The following NSD2 variants were observed in gnomAD, a reference collection of about 807,000 sequenced individuals.
NSD2 encodes the protein histone-lysine N-methyltransferase NSD2.
In NSD2, 12 loss-of-function variants were observed where a neutral mutation model predicts 139.0. The ratio of observed to expected loss-of-function variants is 0.09; its 90% CI spans 0.06 to 0.14. The LOEUF (loss-of-function observed/expected upper bound fraction) is 0.14, where lower values mean the gene tolerates loss of function less well. NSD2 is among the 10% of genes least tolerant of loss of function. The probability of loss-of-function intolerance (pLI) is 1.00; values close to 1 mark genes in which losing one functional copy is unlikely to be tolerated. For synonymous variants in NSD2, 669 were observed against 648.7 expected, an observed-to-expected ratio of 1.03 and a Z score of -0.48; for missense variants, 1,155 against 1,745.0, an observed-to-expected ratio of 0.66 and a Z score of 6.02.
Position 1,955,700 on chromosome 4 carries a change from C to A in NSD2, c.2526C>A (p.Ser842Arg). The A allele has an allele frequency of 6.2e-7, 1 of 1,612,832 alleles. No individual in the cohort carries two copies. The highest frequency in any genetic ancestry group is 8.5e-7 in the Non-Finnish European group (1 of 1,179,304). The change falls in exon 14 of 22, where the codon AGC (serine) becomes AGA (arginine). Residue 842 changes from serine (S) to arginine (R), a missense_variant. Physicochemically the swap from Ser to Arg is moderately radical, Grantham distance 110 (BLOSUM62 -1). Transcript: ENST00000508803. This position sits in a 1 kb window ranked among gnomAD's most constrained non-coding sequence, Gnocchi z 4.7. ...SWCFVCSKGGSLLCCESCPAA... is the reference protein window; with the variant it reads ...SWCFVCSKGGRLLCCESCPAA... Reference sequence around the variant, plus strand: ...CTCGCCCTCCTCTTGCAGGGGGGAGCCTTCTGTGCTGTGAGTCCTGCCCAG... The same window carrying A: ...CTCGCCCTCCTCTTGCAGGGGGGAGACTTCTGTGCTGTGAGTCCTGCCCAG...
intron 6 of NSD2, among the ~76,000 whole-genome samples, chr4:1,934,905 ATAT>A (rs1560695439): frequency 7.6e-5 from 10 of 131,616 alleles, no homozygotes; most frequent in South Asian, 5.0e-4. Flanking sequence ...ATATATATAT[ATAT>A]AAAAAACAGA....
intron 7 of NSD2, among the ~76,000 whole-genome samples, chr4:1,937,856 C>T (rs1179948850): frequency 1.3e-5 from 2 of 152,326 alleles, no homozygotes; most frequent in East Asian, 3.9e-4. Context: ...AGAAAAGCTT[C>T]ATGATCCCTT....
rs181544331 is a variant in NSD2 at position 1,980,255 on chromosome 4, T to C, written c.*1346T>C. The C allele has an allele frequency of 3.4e-5, 8 of 233,168 alleles. 1 individual carries two copies. Among genetic ancestry groups the C allele is most frequent in the Admixed American group, 1.7e-4 (3 of 17,788 alleles). 14.4% of individuals were successfully genotyped at this position (233,168 alleles called of 1,614,324 possible). ...GACCTATCTATCTGAGTACTACATA[T>C]GTTTTAAGACTTGGTTCTTTTTTTG... is the stretch of plus-strand genomic sequence containing the variant. On this transcript the variant is annotated 3_prime_UTR_variant, in exon 22 of 22. Coordinates refer to ENST00000508803, the MANE Select transcript of NSD2 (RefSeq NM_001042424.3).
chr4:1,938,358 T>C (rs1263405351), intron 7 of NSD2, 93 bp from the exon 8 acceptor site: 21 of 1,164,270 alleles, frequency 1.8e-5, no homozygotes, highest in Non-Finnish European at 2.4e-5. Flanking sequence ...TCCTTTCTTT[T>C]CCTTTTGTTG....
intron 1 of NSD2, among the ~76,000 whole-genome samples, chr4:1,881,603 C>T (rs1309551856): frequency 6.6e-6 from 1 of 152,104 alleles, no homozygotes; most frequent in Non-Finnish European, 1.5e-5. Flanking sequence ...TGCCATGTTG[C>T]CCAGGCTGGT....
In NSD2 at chr4:1,918,260, G is replaced by T; in HGVS notation, c.1047G>T (p.Val349=). 4 of 1,613,924 alleles carry T rather than the reference G, an allele frequency of 2.5e-6. No individual in the cohort carries two copies. The highest frequency in any genetic ancestry group is 1.1e-5 in the South Asian group (1 of 91,070). The part of the protein sequence containing the change: ...ERKAKFTFLY[V]GDQLHLNPQV... ...AAGCCAAGTTCACCTTTCTCTATGTGGGGGACCAGCTTCATCTCAACCCTC... is the reference window on the plus strand; with the variant it reads ...AAGCCAAGTTCACCTTTCTCTATGTTGGGGACCAGCTTCATCTCAACCCTC... Residue 349 remains valine, a synonymous_variant, in exon 5 of 22, where the codon GTG becomes GTT. Transcript: ENST00000508803.
In NSD2 at chr4:1,955,390, G is replaced by C; in HGVS notation, c.2518+50G>C. The C allele has an allele frequency of 6.4e-7, 1 of 1,563,990 alleles. No individual in the cohort carries two copies. Among genetic ancestry groups the C allele is most frequent in the Non-Finnish European group, 8.7e-7 (1 of 1,151,660 alleles). On this transcript the variant is annotated intron_variant, in intron 13 of 21. Transcript: ENST00000508803. The surrounding 1 kb of genome is among the most constrained non-coding windows in gnomAD (Gnocchi z 4.7). Reference sequence around the variant, plus strand: ...GCACACGCCTCTCACACTCCCAGGAGCCACATATCAAGGCAGGCTCATTCC... The same window carrying C: ...GCACACGCCTCTCACACTCCCAGGACCCACATATCAAGGCAGGCTCATTCC...
At chr4:1,892,936 G>C (rs1419674448) in intron 1 of NSD2, 1 of 152,128 alleles carries the variant, frequency 6.6e-6, no homozygotes, top group Admixed American at 6.6e-5. Flanking sequence ...TCACCTGAGT[G>C]CTCAAATATT....
chr4:1,904,070 A>G lies in NSD2; in HGVS notation c.598-146A>G, dbSNP rs1007022820. 1.1e-5 allele frequency: 10 copies of G among 873,206 alleles called. No individual in the cohort carries two copies. In the African/African-American group the frequency reaches 1.4e-4, roughly 12 times the overall value. The allele number at this position is 873,206 out of a possible 1,614,324, so 54.1% of individuals were successfully genotyped here. ...ATTTTGATGAAACGATGTTGAGGCTATCATCTAAAACACAGCAAGGGAGCA... is the reference window on the plus strand; with the variant it reads ...ATTTTGATGAAACGATGTTGAGGCTGTCATCTAAAACACAGCAAGGGAGCA... On this transcript the variant is annotated intron_variant, in intron 2 of 21. Coordinates refer to ENST00000508803, the MANE Select transcript of NSD2 (RefSeq NM_001042424.3).
intron 9 of NSD2, chr4:1,947,682 A>G: frequency 1.9e-6 from 2 of 1,054,732 alleles, no homozygotes; most frequent in South Asian, 9.2e-5. Context: ...TGTCATTTGT[A>G]AACGCAAACA....
intron 3 of NSD2, among the ~76,000 whole-genome samples, chr4:1,915,659 G>T (rs1719291463): frequency 6.6e-6 from 1 of 152,288 alleles, no homozygotes; most frequent in Non-Finnish European, 1.5e-5. Flanking sequence ...AGAGCTGCCT[G>T]CAACCATGGG....
chr4:1,950,606 C>T (rs1297267415), intron 9 of NSD2, among the ~76,000 whole-genome samples: 3 of 152,228 alleles, frequency 2.0e-5, no homozygotes, highest in Admixed American at 6.5e-5. Context: ...CTGGACTGCA[C>T]GGTCACCTGA....
At chr4:1,905,974 G>A (rs909467491) in intron 3 of NSD2, among the ~76,000 whole-genome samples, 1 of 152,142 alleles carries the variant, frequency 6.6e-6, no homozygotes, top group Non-Finnish European at 1.5e-5. Context: ...TGCAGCCCGG[G>A]TGCAGGCACA....
At chr4:1,928,671 A>T (rs1343920813) in intron 5 of NSD2, among the ~76,000 whole-genome samples, 1 of 150,128 alleles carries the variant, frequency 6.7e-6, no homozygotes, top group Non-Finnish European at 1.5e-5. Flanking sequence ...TTGACGAAGC[A>T]GTAAAGGACA....
chr4:1,962,145 A>G (rs1286376401), intron 18 of NSD2, among the ~76,000 whole-genome samples: 1 of 152,132 alleles, frequency 6.6e-6, no homozygotes, highest in Non-Finnish European at 1.5e-5. Flanking sequence ...TATATCCCCT[A>G]CCCCTGCAGT....
At chr4:1,879,823 C>CT (rs1187052647) in intron 1 of NSD2, among the ~76,000 whole-genome samples, 3 of 140,242 alleles carry the variant, frequency 2.1e-5, no homozygotes, top group Admixed American at 6.9e-5. Flanking sequence ...GCCCATGGCA[C>CT]TTGTGTGTGT....
intron 18 of NSD2, among the ~76,000 whole-genome samples, chr4:1,965,124 C>G (rs1316196249): frequency 8.1e-6 from 1 of 122,804 alleles, no homozygotes; most frequent in East Asian, 2.7e-4. Flanking sequence ...AAAACAAAAT[C>G]AGCAGAAACT....
chr4:1,951,909 C>A, intron 10 of NSD2, 199 bp from the exon 11 acceptor site: 1 of 787,418 alleles, frequency 1.3e-6, no homozygotes, highest in Non-Finnish European at 1.9e-6. Context: ...CTTTCTGTAA[C>A]AGTCATCTGG....
At chr4:1,871,789 G>A (rs943714025) in intron 1 of NSD2, among the ~76,000 whole-genome samples, 138 of 149,924 alleles carry the variant, frequency 9.2e-4, no homozygotes, top group Non-Finnish European at 1.1e-3. Context: ...GAGGGCCGGC[G>A]GGAGGACCGG....
Sources: allele counts gnomAD v4.1 joint callset (sites outside exome capture counted in the v4.1 genomes callset), GRCh38; gene constraint gnomAD v4.1.1; non-coding constraint Gnocchi (gnomAD v3.1); transcripts MANE v1.5; gene names NCBI Gene and HGNC (gene_info 2026-07-23, HGNC 2026-07-21).